The following RPS6KC1 variants were observed in gnomAD, a reference collection of about 807,000 sequenced individuals.
RPS6KC1 encodes ribosomal protein S6 kinase C1.
Under a neutral mutation model 103.8 loss-of-function variants are expected in RPS6KC1, and 54 were observed. That is an observed-to-expected ratio of 0.52 (90% CI 0.42 to 0.65). RPS6KC1 has a LOEUF of 0.65. RPS6KC1 is among the 30% of genes least tolerant of loss of function. The pLI is 0.00. For missense variants in RPS6KC1, 1,151 were observed against 1,253.8 expected (o/e 0.92, Z 1.24); for synonymous variants, 439 against 438.7 (o/e 1.00, Z -0.01).
chr1:213,219,139 C>G lies in RPS6KC1; in HGVS notation c.1045-11358C>G, dbSNP rs529580379. 2.0e-3 allele frequency among the ~76,000 whole-genome samples: 298 copies of G among 152,328 alleles called. 1 individual carries two copies. The highest frequency in any genetic ancestry group is 6.9e-3 in the African/African-American group (287 of 41,572). ...CTGACAAAGGGCTAATATCCAGAATCTACAATGAACTCCAACAAATTTACA... is the reference window on the plus strand; with the variant it reads ...CTGACAAAGGGCTAATATCCAGAATGTACAATGAACTCCAACAAATTTACA... On this transcript the variant is annotated intron_variant, in intron 8 of 14. Coordinates refer to ENST00000366960, the MANE Select transcript of RPS6KC1 (RefSeq NM_012424.6).
chr1:213,838,134 C>T, the RPS6KC1 span, among the ~76,000 whole-genome samples: 4 of 152,038 alleles, frequency 2.6e-5, no homozygotes, highest in Admixed American at 2.6e-4. Flanking sequence ...ATCATGAAAA[C>T]TTTAAAGTGT....
At chr1:213,382,521 C>T in the RPS6KC1 span, among the ~76,000 whole-genome samples, 1 of 145,616 alleles carries the variant, frequency 6.9e-6, no homozygotes. Context: ...TTCCAATTCC[C>T]TTTCACTCCA....
intron 14 of RPS6KC1, among the ~76,000 whole-genome samples, chr1:213,270,090 A>G (rs1216480859): frequency 6.6e-6 from 1 of 152,184 alleles, no homozygotes; most frequent in Non-Finnish European, 1.5e-5. Flanking sequence ...CAAAGGAGCT[A>G]TAATGTCCAA....
chr1:213,626,884 G>C, the RPS6KC1 span, among the ~76,000 whole-genome samples: 1 of 152,126 alleles, frequency 6.6e-6, no homozygotes, highest in African/African-American at 2.4e-5. Context: ...TGTTCTTTTG[G>C]CTTAGGATTG....
chr1:213,098,515 AG>A (rs773885700), intron 3 of RPS6KC1, among the ~76,000 whole-genome samples: 1 of 152,100 alleles, frequency 6.6e-6, no homozygotes, highest in Non-Finnish European at 1.5e-5. Flanking sequence ...AGGCCATTGT[AG>A]AGGTTAATTG....
chr1:213,608,314 C>A, the RPS6KC1 span, among the ~76,000 whole-genome samples: 19 of 152,184 alleles, frequency 1.2e-4, no homozygotes, highest in Non-Finnish European at 2.5e-4. Context: ...GCAGGTGGGT[C>A]TGTTTGGCTC....
intron 8 of RPS6KC1, among the ~76,000 whole-genome samples, chr1:213,177,054 C>T (rs1432691836): frequency 6.6e-6 from 1 of 152,080 alleles, no homozygotes; most frequent in Non-Finnish European, 1.5e-5. Context: ...CTTTTTTTGA[C>T]TCAAAAGCTG....
the RPS6KC1 span, among the ~76,000 whole-genome samples, chr1:213,390,409 T>C: frequency 6.6e-6 from 1 of 152,224 alleles, no homozygotes; most frequent in African/African-American, 2.4e-5. Context: ...GCAAAACAGA[T>C]GCAACAATGA....
At chr1:213,796,402 G>A in the RPS6KC1 span, among the ~76,000 whole-genome samples, 1 of 152,170 alleles carries the variant, frequency 6.6e-6, no homozygotes, top group African/African-American at 2.4e-5. Context: ...AACCAAAGTA[G>A]GTTGTCTTGT....
the RPS6KC1 span, among the ~76,000 whole-genome samples, chr1:213,566,776 C>G: frequency 1.3e-5 from 2 of 151,762 alleles, no homozygotes; most frequent in Non-Finnish European, 2.9e-5. Context: ...ATTCCTTTCT[C>G]AATATAATTG....
the RPS6KC1 span, among the ~76,000 whole-genome samples, chr1:213,813,940 C>T: frequency 1.3e-5 from 2 of 152,204 alleles, no homozygotes; most frequent in Non-Finnish European, 2.9e-5. Flanking sequence ...CTAAACCTCA[C>T]CCAACCACTG....
the RPS6KC1 span, among the ~76,000 whole-genome samples, chr1:213,657,951 A>G: frequency 6.6e-6 from 1 of 152,216 alleles, no homozygotes; most frequent in Non-Finnish European, 1.5e-5. Context: ...GACATACTGT[A>G]TCATGAATGG....
chr1:213,259,557 C>T (rs563804760), intron 12 of RPS6KC1, among the ~76,000 whole-genome samples: 47 of 152,074 alleles, frequency 3.1e-4, no homozygotes, highest in Non-Finnish European at 5.9e-4. Context: ...AGTGAGACTC[C>T]GTCTCAAAAA....
At chr1:213,660,283 G>GGAAT in the RPS6KC1 span, among the ~76,000 whole-genome samples, 1 of 152,164 alleles carries the variant, frequency 6.6e-6, no homozygotes, top group Non-Finnish European at 1.5e-5. Context: ...GTATCTCTAG[G>GGAAT]GAATGTAAAA....
the RPS6KC1 span, among the ~76,000 whole-genome samples, chr1:213,302,956 A>G: frequency 6.6e-6 from 1 of 152,228 alleles, no homozygotes; most frequent in Non-Finnish European, 1.5e-5. Flanking sequence ...AGCTTGAGAG[A>G]ATCTCAGTCC....
intron 4 of RPS6KC1, among the ~76,000 whole-genome samples, chr1:213,114,851 A>C (rs1442635291): frequency 1.3e-5 from 2 of 152,222 alleles, no homozygotes; most frequent in Non-Finnish European, 2.9e-5. Flanking sequence ...ATGCTGGATT[A>C]CATTTATTGA....
At chr1:213,253,015 G>T (rs1388533807) in intron 12 of RPS6KC1, among the ~76,000 whole-genome samples, 1 of 152,118 alleles carries the variant, frequency 6.6e-6, no homozygotes, top group Non-Finnish European at 1.5e-5. Flanking sequence ...AGAGTAAAAA[G>T]AAATGAGTCT....
chr1:213,752,527 C>T, the RPS6KC1 span, among the ~76,000 whole-genome samples: 2,214 of 152,268 alleles, frequency 0.015, 33 homozygotes, highest in East Asian at 0.07. Flanking sequence ...TGGGACAGCC[C>T]TGATGCTCCC....
the RPS6KC1 span, among the ~76,000 whole-genome samples, chr1:213,613,853 A>G: frequency 6.6e-6 from 1 of 152,222 alleles, no homozygotes; most frequent in Non-Finnish European, 1.5e-5. Context: ...CCCTAAGGCT[A>G]GTGCATCTGG....
Sources: allele counts gnomAD v4.1 joint callset (sites outside exome capture counted in the v4.1 genomes callset), GRCh38; gene constraint gnomAD v4.1.1; transcripts MANE v1.5; gene names NCBI Gene and HGNC (gene_info 2026-07-23, HGNC 2026-07-21).